Variants in PCDH11X observed in about 807,000 individuals in gnomAD.
The protein encoded by PCDH11X is protocadherin-11 X-linked.
A neutral mutation model predicts 53.3 loss-of-function variants in PCDH11X; 18 were observed. That is an observed-to-expected ratio of 0.34 (90% CI 0.23 to 0.50). The LOEUF (loss-of-function observed/expected upper bound fraction) is 0.50, where lower values mean the gene tolerates loss of function less well. PCDH11X is among the 20% of genes least tolerant of loss of function. The pLI, the probability that PCDH11X is intolerant of heterozygous loss-of-function variation, is 0.98. For synonymous variants in PCDH11X, 279 were observed against 393.3 expected (o/e 0.71, Z 3.44); for missense variants, 570 against 1,032.4 (o/e 0.55, Z 6.14).
At chrX:92,266,750 T>G (rs900539240) in intron 8 of PCDH11X, among the ~76,000 whole-genome samples, 1 of 109,745 alleles carries the variant, frequency 9.1e-6, no homozygotes, top group Admixed American at 9.8e-5. Flanking sequence ...TTTCTTTTTT[T>G]TTTTTTTATG....
chrX:92,155,995 C>T (rs1171274667), intron 6 of PCDH11X, among the ~76,000 whole-genome samples: 2 of 109,840 alleles, frequency 1.8e-5, no homozygotes, highest in Non-Finnish European at 3.8e-5. Context: ...CAAGTCTCAA[C>T]AAAGCAGCCA....
At chrX:92,138,382 A>G (rs1160893334) in intron 6 of PCDH11X, among the ~76,000 whole-genome samples, 9 of 111,136 alleles carry the variant, frequency 8.1e-5, no homozygotes, top group Non-Finnish European at 1.5e-4. Flanking sequence ...TTACTCTAGC[A>G]TCAGAATCTA....
At chrX:92,127,260 A>G (rs2064883524) in intron 6 of PCDH11X, among the ~76,000 whole-genome samples, 1 of 107,931 alleles carries the variant, frequency 9.3e-6, no homozygotes, top group Non-Finnish European at 1.9e-5. Flanking sequence ...TGGTGTTTTC[A>G]TTTTCCTCTA....
At chrX:92,280,976 G>A (rs997061084) in intron 8 of PCDH11X, among the ~76,000 whole-genome samples, 1 of 111,040 alleles carries the variant, frequency 9.0e-6, no homozygotes, top group African/African-American at 3.3e-5. Context: ...TTCAAAATGA[G>A]TTCCCTCTAC....
intron 8 of PCDH11X, among the ~76,000 whole-genome samples, chrX:92,293,023 G>T (rs1315396261): frequency 9.5e-6 from 1 of 105,025 alleles, no homozygotes; most frequent in Non-Finnish European, 1.9e-5. Context: ...CAGTTGTCAT[G>T]CTGTATATGT....
At chrX:92,280,819 G>A (rs2068235934) in intron 8 of PCDH11X, among the ~76,000 whole-genome samples, 1 of 110,141 alleles carries the variant, frequency 9.1e-6, no homozygotes, top group East Asian at 2.8e-4. Flanking sequence ...AGTAAACTGG[G>A]GAGAAAACTT....
intron 9 of PCDH11X, among the ~76,000 whole-genome samples, chrX:92,423,953 GC>G (rs1473326806): frequency 4.2e-5 from 4 of 95,290 alleles, no homozygotes; most frequent in African/African-American, 1.4e-4. Context: ...GCTTAGACTT[GC>G]TTTGGCTATG....
intron 10 of PCDH11X, among the ~76,000 whole-genome samples, chrX:92,533,135 C>G (rs1450747524): frequency 6.3e-5 from 7 of 111,100 alleles, no homozygotes; most frequent in Non-Finnish European, 1.3e-4. Context: ...ATTTTCAAAA[C>G]AGAATATAAA....
At chrX:92,218,046 T>G (rs2066762257) in intron 7 of PCDH11X, among the ~76,000 whole-genome samples, 1 of 109,724 alleles carries the variant, frequency 9.1e-6, no homozygotes, top group South Asian at 4.1e-4. Flanking sequence ...TGGGACACAT[T>G]TAAAGCAGTG....
chrX:92,113,339 T>C (rs1602960680), intron 6 of PCDH11X: 15 of 1,197,850 alleles, frequency 1.3e-5, no homozygotes, highest in East Asian at 3.0e-5. Flanking sequence ...TCTGTCACCA[T>C]GTTAATAGCC....
intron 7 of PCDH11X, among the ~76,000 whole-genome samples, chrX:92,245,159 C>T (rs768579010): frequency 3.6e-5 from 4 of 112,636 alleles, no homozygotes; most frequent in East Asian, 2.8e-4. Context: ...ACTGGGAAGA[C>T]GCCTGAGGCG....
intron 8 of PCDH11X, among the ~76,000 whole-genome samples, chrX:92,335,728 A>T (rs73630167): frequency 2.3e-3 from 262 of 111,812 alleles, no homozygotes; most frequent in African/African-American, 8.1e-3. Context: ...AATTTCCTTA[A>T]ATGTACTTTG....
At chrX:92,582,373 G>A (rs1198011867) in intron 10 of PCDH11X, among the ~76,000 whole-genome samples, 6 of 110,683 alleles carry the variant, frequency 5.4e-5, no homozygotes, top group Admixed American at 1.9e-4. Flanking sequence ...TCTAGCCATC[G>A]CTAAAAGGGA....
chrX:92,013,995 A>C (rs2062743254), intron 6 of PCDH11X, among the ~76,000 whole-genome samples: 2 of 111,842 alleles, frequency 1.8e-5, no homozygotes, highest in Non-Finnish European at 3.8e-5. Flanking sequence ...TGTCTAAAAC[A>C]CCAAAAGCAA....
chrX:92,061,678 C>T (rs998939337), intron 6 of PCDH11X, among the ~76,000 whole-genome samples: 2 of 109,866 alleles, frequency 1.8e-5, no homozygotes, highest in Non-Finnish European at 3.8e-5. Flanking sequence ...ATGCCAGTAC[C>T]ATGATGTTTT....
chrX:91,995,871 G>A (rs1472172825), intron 6 of PCDH11X, among the ~76,000 whole-genome samples: 1 of 102,342 alleles, frequency 9.8e-6, no homozygotes, highest in Non-Finnish European at 2.0e-5. Flanking sequence ...TTTTTTTGAG[G>A]CCGAGTCTCG....
At chrX:92,228,445 C>T (rs1027070344) in intron 7 of PCDH11X, among the ~76,000 whole-genome samples, 2 of 111,326 alleles carry the variant, frequency 1.8e-5, no homozygotes, top group African/African-American at 6.5e-5. Flanking sequence ...CATTTGTTTC[C>T]TCTCCTTTGA....
chrX:91,847,758 AT>A (rs1937765132), intron 5 of PCDH11X, among the ~76,000 whole-genome samples: 2 of 111,386 alleles, frequency 1.8e-5, no homozygotes, highest in South Asian at 7.5e-4. Context: ...CATAGGGTGA[AT>A]TTTTTTCTGA....
chrX:92,565,494 G>A (rs1258300437), intron 10 of PCDH11X, among the ~76,000 whole-genome samples: 2 of 94,423 alleles, frequency 2.1e-5, no homozygotes, highest in Admixed American at 1.3e-4. Flanking sequence ...CAACATAGAT[G>A]GAGCTGGAGG....
Sources: gnomAD v4.1 joint callset for allele counts (sites outside exome capture counted in the v4.1 genomes callset) on GRCh38, gnomAD v4.1.1 for gene constraint, MANE v1.5 for transcripts, NCBI Gene and HGNC (gene_info 2026-07-23, HGNC 2026-07-21) for gene names.